Variants in CCAR1 observed in about 807,000 individuals in gnomAD.
CCAR1 encodes the protein cell division cycle and apoptosis regulator protein 1.
Under a neutral mutation model 163.8 loss-of-function variants are expected in CCAR1, and 78 were observed. The observed-to-expected ratio is 0.48, with a 90% CI of 0.40 to 0.57. The LOEUF (loss-of-function observed/expected upper bound fraction) is 0.57. CCAR1 is among the 20% of genes least tolerant of loss of function. The pLI, the probability that CCAR1 is intolerant of heterozygous loss-of-function variation, is 0.00. For synonymous variants in CCAR1, 443 were observed against 460.7 expected (o/e 0.96, Z 0.49); for missense variants, 1,019 against 1,365.2 (o/e 0.75, Z 4.00).
At chr10:68,784,402 G>A (rs978816139) in intron 19 of CCAR1, among the ~76,000 whole-genome samples, 2 of 151,954 alleles carry the variant, frequency 1.3e-5, no homozygotes, top group African/African-American at 4.8e-5. Context: ...TTTTAGAGAT[G>A]GGGTTTCACC....
intron 10 of CCAR1, among the ~76,000 whole-genome samples, chr10:68,751,312 C>T (rs1159027888): frequency 6.6e-6 from 1 of 152,016 alleles, no homozygotes; most frequent in Non-Finnish European, 1.5e-5. Context: ...CAGGTGTGAG[C>T]CACCATGCCT....
rs2056796538 is a variant in CCAR1, at chr10:68,786,465, G to A, written c.2734-81G>A. On this transcript the variant is annotated intron_variant, in intron 20 of 24. Transcript: ENST00000265872. ...TCTTATTAGATTATTGCTATCTTAT[G>A]CACAGTCTCCGTTTCTCACTTTTTG... The A allele has an allele frequency of 3.1e-6, 3 of 954,920 alleles. No homozygotes were observed. In the Admixed American group the frequency reaches 9.0e-5, roughly 29 times the overall value. 59.2% of individuals were successfully genotyped at this position (954,920 alleles called of 1,614,324 possible). A position where few individuals can be genotyped will look rare whatever the true frequency, so the allele number is the denominator to read the frequency against.
Position 68,753,840 on chromosome 10 carries a change from T to A in CCAR1, c.1119-12T>A. On this transcript the variant is annotated splice_polypyrimidine_tract_variant and intron_variant, in intron 10 of 24. Coordinates refer to ENST00000265872, the MANE Select transcript of CCAR1 (RefSeq NM_018237.4). ...TAAGGCTATTTATTCACTACTTATGTCTGTTTTTCAGTCCCAGTTGTGACA... is the reference window on the plus strand; with the variant it reads ...TAAGGCTATTTATTCACTACTTATGACTGTTTTTCAGTCCCAGTTGTGACA... 2 of 1,576,326 alleles carry A rather than the reference T, an allele frequency of 1.3e-6. No homozygotes were observed. The highest frequency in any genetic ancestry group is 1.7e-6 in the Non-Finnish European group (2 of 1,146,084).
In CCAR1 at chr10:68,763,112, C is replaced by CT. The variant is rs35840480; in HGVS notation, c.2106+1929dup. 2.7e-3 allele frequency among the ~76,000 whole-genome samples: 412 copies of CT among 151,682 alleles called. 4 individuals are homozygous for CT. Among genetic ancestry groups the CT allele is most frequent in the African/African-American group, 8.5e-3 (352 of 41,234 alleles). ...TAGGTGATGCATGGACTTGTGATTT[C>CT]TTTTTTTTTAATGTATTTTATTTTT... is the stretch of plus-strand genomic sequence containing the variant. On this transcript the variant is annotated intron_variant, in intron 16 of 24. Coordinates refer to ENST00000265872, the MANE Select transcript of CCAR1 (RefSeq NM_018237.4).
intron 1 of CCAR1, among the ~76,000 whole-genome samples, chr10:68,721,815 A>AG (rs1295884696): frequency 1.3e-5 from 2 of 150,692 alleles, no homozygotes; most frequent in East Asian, 3.9e-4. Flanking sequence ...GCGGCCGAGG[A>AG]GGGGGTGCAC....
At chr10:68,759,928 A>C (rs1353528879) in intron 15 of CCAR1, among the ~76,000 whole-genome samples, 1 of 152,112 alleles carries the variant, frequency 6.6e-6, no homozygotes, top group Admixed American at 6.5e-5. Context: ...TCAAACTCCT[A>C]GGCTCAAGTG....
intron 2 of CCAR1, 123 bp downstream of exon 2, chr10:68,722,700 G>T (rs949142283): frequency 1.6e-5 from 11 of 691,456 alleles, no homozygotes; most frequent in African/African-American, 5.4e-5. Flanking sequence ...GGAGGAGGTG[G>T]ATCACGAGGT....
At chr10:68,779,978 A>T (rs1333941424) in intron 19 of CCAR1, among the ~76,000 whole-genome samples, 2 of 152,188 alleles carry the variant, frequency 1.3e-5, no homozygotes, top group Non-Finnish European at 2.9e-5. Flanking sequence ...AAAATAGGAC[A>T]TGATCACTAC....
rs774230742 is a variant in CCAR1 at position 68,749,271 on chromosome 10, T to A, written c.956+6T>A. On this transcript the variant is annotated splice_donor_region_variant and intron_variant, in intron 9 of 24. Transcript: ENST00000265872. Reference sequence around the variant, plus strand: ...AACAGAAAAGATGATCGAAGGTATATTTTCTAAAGTGTACTGTGGATGGTG... The same window carrying A: ...AACAGAAAAGATGATCGAAGGTATAATTTCTAAAGTGTACTGTGGATGGTG... 6.2e-7 allele frequency: 1 copy of A among 1,605,874 alleles called. No homozygotes were observed. The highest frequency in any genetic ancestry group is 2.2e-5 in the East Asian group (1 of 44,808).
intron 15 of CCAR1, among the ~76,000 whole-genome samples, chr10:68,758,590 TAC>T (rs1285491052): frequency 4.8e-5 from 7 of 147,190 alleles, no homozygotes; most frequent in South Asian, 2.2e-4. Context: ...TGTATATATG[TAC>T]ACACACATAT....
intron 7 of CCAR1, 27 bp downstream of exon 7, chr10:68,747,302 A>T: frequency 3.2e-6 from 5 of 1,583,170 alleles, no homozygotes; most frequent in Non-Finnish European, 4.3e-6. Flanking sequence ...GTTAGGTATT[A>T]TAGAAGCTTG....
At position 68,784,733 on chromosome 10, in the gene CCAR1, G is replaced by A. The variant is rs530890719; in HGVS notation, c.2651-1403G>A. On this transcript the variant is annotated intron_variant, in intron 19 of 24. Transcript: ENST00000265872. Reference sequence around the variant, plus strand: ...CTGACTCATTTTTTAAATTATTTTTGTAGAGACCGGGTCTCATTATGTTGC... The same window carrying A: ...CTGACTCATTTTTTAAATTATTTTTATAGAGACCGGGTCTCATTATGTTGC... Among the ~76,000 whole-genome samples the A allele has an allele frequency of 9.9e-5, 15 of 152,018 alleles. No individual in the cohort carries two copies. In the East Asian group the frequency reaches 2.9e-3, roughly 29 times the overall value.
intron 2 of CCAR1, among the ~76,000 whole-genome samples, chr10:68,736,424 G>A (rs2056111654): frequency 6.6e-6 from 1 of 152,100 alleles, no homozygotes; most frequent in Non-Finnish European, 1.5e-5. Flanking sequence ...TCAACGTGAT[G>A]TACAATGGGT....
chr10:68,775,497 C>CT lies in CCAR1; in HGVS notation c.2650+2415dup, dbSNP rs58856212. On this transcript the variant is annotated intron_variant, in intron 19 of 24. Coordinates refer to ENST00000265872, the MANE Select transcript of CCAR1 (RefSeq NM_018237.4). ...GTGTTCCAGCTGTCAGCCTCATTTTCTTTTTTTTTTTTTTTTTGTTTTTTG... is the reference window on the plus strand; with the variant it reads ...GTGTTCCAGCTGTCAGCCTCATTTTCTTTTTTTTTTTTTTTTTTGTTTTTTG... Among the ~76,000 whole-genome samples the CT allele has an allele frequency of 3.6e-3, 429 of 117,950 alleles. 3 individuals carry two copies. Among genetic ancestry groups the CT allele is most frequent in the African/African-American group, 7.6e-3 (250 of 32,870 alleles). 77.4% of individuals were successfully genotyped at this position (117,950 alleles called of 152,430 possible).
chr10:68,747,248 A>T lies in CCAR1; in HGVS notation c.606A>T (p.Ala202=). 1 of 1,609,920 alleles carries T rather than the reference A, an allele frequency of 6.2e-7. No individual in the cohort carries two copies. Among genetic ancestry groups the T allele is most frequent in the Non-Finnish European group, 8.5e-7 (1 of 1,177,624 alleles). ...YNPNMPFKWN[A]QRIQTLPNQN... ...CTAATATGCCTTTTAAATGGAATGC[A>T]CAGAGAATTCAAACACTACCAAATC... Residue 202 remains alanine, a synonymous_variant, in exon 7 of 25, where the codon GCA becomes GCT. Transcript: ENST00000265872.
chr10:68,727,846 C>G (rs1446330283), intron 2 of CCAR1, among the ~76,000 whole-genome samples: 1 of 152,142 alleles, frequency 6.6e-6, no homozygotes, highest in South Asian at 2.1e-4. Context: ...GAGTCTCGCT[C>G]TGTCTGCTCA....
rs536354817 is a variant in CCAR1, at chr10:68,747,614, A to G, written c.826+48A>G. 1.5e-5 allele frequency: 23 copies of G among 1,513,374 alleles called. No homozygotes were observed. In the South Asian group the frequency reaches 1.9e-4, roughly 13 times the overall value. The allele number at this position is 1,513,374 out of a possible 1,614,324, so 93.7% of individuals were successfully genotyped here. The stretch of plus-strand genomic sequence containing the variant: ...CAAATGTATAACTTTTTAGTTGTTG[A>G]TAATGTAACTATGCTTTTAATTACA... On this transcript the variant is annotated intron_variant, in intron 8 of 24. Transcript: ENST00000265872.
chr10:68,785,927 G>A (rs1242615428), intron 19 of CCAR1, among the ~76,000 whole-genome samples: 2 of 152,048 alleles, frequency 1.3e-5, no homozygotes. Context: ...TTAGCATAAG[G>A]TTTTCTCTTT....
At chr10:68,770,848 C>T (rs554922677) in intron 17 of CCAR1, among the ~76,000 whole-genome samples, 10 of 152,140 alleles carry the variant, frequency 6.6e-5, no homozygotes, top group South Asian at 4.1e-4. Flanking sequence ...GAGGCCGAGG[C>T]GGGCAGATCA....
Sources: allele counts gnomAD v4.1 joint callset (sites outside exome capture counted in the v4.1 genomes callset), GRCh38; gene constraint gnomAD v4.1.1; transcripts MANE v1.5; gene names NCBI Gene and HGNC (gene_info 2026-07-23, HGNC 2026-07-21).